The following IMMP2L variants were observed in gnomAD, a reference collection of about 807,000 sequenced individuals.
IMMP2L encodes mitochondrial inner membrane protease subunit 2.
IMMP2L carries 18 observed loss-of-function variants against 19.3 expected under a neutral mutation model. The observed-to-expected ratio is 0.93, with a 90% CI of 0.64 to 1.38. The LOEUF (loss-of-function observed/expected upper bound fraction) is 1.38, where lower values mean the gene tolerates loss of function less well. Ranked by LOEUF, IMMP2L falls within the 40% of genes most tolerant of loss-of-function variation. The pLI is 0.00. For synonymous variants in IMMP2L, 76 were observed against 73.0 expected (o/e 1.04, Z -0.21); for missense variants, 233 against 218.2 (o/e 1.07, Z -0.43).
At chr7:111,035,873 A>G (rs958493470) in intron 3 of IMMP2L, among the ~76,000 whole-genome samples, 1 of 152,134 alleles carries the variant, frequency 6.6e-6, no homozygotes, top group African/African-American at 2.4e-5. Context: ...TACACTGTAT[A>G]ACATTCCACA....
intron 3 of IMMP2L, among the ~76,000 whole-genome samples, chr7:111,273,807 T>C (rs1818735679): frequency 6.6e-6 from 1 of 152,116 alleles, no homozygotes; most frequent in South Asian, 2.1e-4. Flanking sequence ...GGCTGGAGCA[T>C]AGTGGCATAA....
intron 3 of IMMP2L, among the ~76,000 whole-genome samples, chr7:111,267,136 G>A (rs1480982140): frequency 1.3e-5 from 2 of 151,928 alleles, no homozygotes; most frequent in Non-Finnish European, 2.9e-5. Context: ...TAGTGCTAAC[G>A]TGCTATATTT....
chr7:110,798,812 G>A (rs981935270), intron 5 of IMMP2L, among the ~76,000 whole-genome samples: 16 of 151,828 alleles, frequency 1.1e-4, no homozygotes, highest in African/African-American at 3.6e-4. Context: ...ACAAACAGAC[G>A]TTTTTTATCT....
intron 5 of IMMP2L, among the ~76,000 whole-genome samples, chr7:110,818,456 A>G (rs1802735511): frequency 6.6e-6 from 1 of 152,140 alleles, no homozygotes; most frequent in Admixed American, 6.6e-5. Context: ...TTAAAAAGTC[A>G]GGAAACAACA....
At chr7:111,001,007 G>T (rs564868371) in intron 3 of IMMP2L, among the ~76,000 whole-genome samples, 58 of 152,308 alleles carry the variant, frequency 3.8e-4, no homozygotes, top group African/African-American at 1.4e-3. Flanking sequence ...AACCAAAACT[G>T]CATATAGATG....
At chr7:110,864,898 T>A (rs1807825444) in intron 5 of IMMP2L, among the ~76,000 whole-genome samples, 1 of 152,024 alleles carries the variant, frequency 6.6e-6, no homozygotes, top group African/African-American at 2.4e-5. Flanking sequence ...TCTCTTCAGT[T>A]TAACAATCCC....
intron 3 of IMMP2L, among the ~76,000 whole-genome samples, chr7:111,415,283 A>C (rs1834856946): frequency 6.6e-6 from 1 of 151,646 alleles, no homozygotes. Flanking sequence ...AATCCCCAAA[A>C]ACTGGATTAT....
At chr7:110,921,912 G>A (rs944783898) in intron 4 of IMMP2L, among the ~76,000 whole-genome samples, 1 of 152,096 alleles carries the variant, frequency 6.6e-6, no homozygotes, top group Non-Finnish European at 1.5e-5. Flanking sequence ...AGAGTCCTTG[G>A]CATTAGTCAG....
chr7:111,106,500 T>C (rs933854964), intron 3 of IMMP2L, among the ~76,000 whole-genome samples: 4 of 151,788 alleles, frequency 2.6e-5, no homozygotes, highest in African/African-American at 9.7e-5. Flanking sequence ...ATATGTCTTC[T>C]ACCATCACCA....
chr7:110,836,652 A>G (rs1375368256), intron 5 of IMMP2L, among the ~76,000 whole-genome samples: 1 of 152,086 alleles, frequency 6.6e-6, no homozygotes, highest in Non-Finnish European at 1.5e-5. Flanking sequence ...ACAGACTAAT[A>G]CACCTCATAA....
At chr7:111,252,461 C>G (rs1251837301) in intron 3 of IMMP2L, among the ~76,000 whole-genome samples, 3 of 151,956 alleles carry the variant, frequency 2.0e-5, no homozygotes, top group Admixed American at 2.0e-4. Flanking sequence ...TAAATATTGT[C>G]ATAAGTATAA....
At chr7:110,762,023 G>T (rs1562960748) in intron 5 of IMMP2L, among the ~76,000 whole-genome samples, 1 of 152,116 alleles carries the variant, frequency 6.6e-6, no homozygotes, top group Non-Finnish European at 1.5e-5. Context: ...AGCAGATAAT[G>T]CTTTGAATTC....
intron 3 of IMMP2L, among the ~76,000 whole-genome samples, chr7:111,418,846 C>A (rs1377941994): frequency 6.6e-6 from 1 of 151,764 alleles, no homozygotes. Flanking sequence ...TGTACACATA[C>A]AAATATAAAA....
At chr7:110,766,581 TAAA>T (rs772192515) in intron 5 of IMMP2L, among the ~76,000 whole-genome samples, 15 of 96,786 alleles carry the variant, frequency 1.5e-4, no homozygotes, top group African/African-American at 4.4e-4. Context: ...AGACTTCATT[TAAA>T]AAAAAAAAAA....
At chr7:111,122,621 C>CAAAA (rs1800785711) in intron 3 of IMMP2L, 1 of 625,858 alleles carries the variant, frequency 1.6e-6, no homozygotes. Flanking sequence ...GGCACTGGCA[C>CAAAA]TTATTTCAGT....
chr7:111,100,186 T>G (rs1797822483), intron 3 of IMMP2L, among the ~76,000 whole-genome samples: 1 of 151,616 alleles, frequency 6.6e-6, no homozygotes, highest in Admixed American at 6.6e-5. Flanking sequence ...GTTACATGAA[T>G]AAATTATTTA....
chr7:111,080,034 T>G (rs1469708787), intron 3 of IMMP2L, among the ~76,000 whole-genome samples: 2 of 152,140 alleles, frequency 1.3e-5, no homozygotes, highest in African/African-American at 4.8e-5. Flanking sequence ...AAAAATGTCA[T>G]TTCTTTATAA....
At chr7:110,721,903 G>C (rs1795600838) in intron 5 of IMMP2L, among the ~76,000 whole-genome samples, 1 of 151,966 alleles carries the variant, frequency 6.6e-6, no homozygotes, top group Non-Finnish European at 1.5e-5. Flanking sequence ...GAGAGAAAGA[G>C]GAACAAAGTT....
chr7:110,979,109 T>C (rs1419591164), intron 3 of IMMP2L, among the ~76,000 whole-genome samples: 1 of 152,130 alleles, frequency 6.6e-6, no homozygotes, highest in Non-Finnish European at 1.5e-5. Flanking sequence ...CATGTTCCAG[T>C]AAAGTGTTCT....
Sources: allele counts gnomAD v4.1 joint callset (sites outside exome capture counted in the v4.1 genomes callset), GRCh38; gene constraint gnomAD v4.1.1; transcripts MANE v1.5; gene names NCBI Gene and HGNC (gene_info 2026-07-23, HGNC 2026-07-21).